The following TRIO variants were observed in gnomAD, a reference collection of about 807,000 sequenced individuals.
TRIO encodes triple functional domain protein.
Under a neutral mutation model 351.9 loss-of-function variants are expected in TRIO, and 58 were observed. The ratio of observed to expected loss-of-function variants is 0.16; its 90% CI spans 0.13 to 0.21. TRIO has a LOEUF of 0.21. Ranked by LOEUF, TRIO falls within the 10% of genes least tolerant of loss-of-function variation. TRIO has a pLI of 1.00. For synonymous variants in TRIO, 1,758 were observed against 1,595.7 expected (o/e 1.10, Z -2.42); for missense variants, 3,201 against 4,027.8 (o/e 0.79, Z 5.56).
chr5:14,410,098 G>A (rs1749069402), intron 33 of TRIO, among the ~76,000 whole-genome samples: 1 of 152,214 alleles, frequency 6.6e-6, no homozygotes. Flanking sequence ...CAGAAAGGAT[G>A]AAATGTCGTG....
chr5:14,306,098 C>T (rs1024088336), intron 8 of TRIO, among the ~76,000 whole-genome samples: 13 of 150,770 alleles, frequency 8.6e-5, no homozygotes, highest in South Asian at 2.1e-4. Context: ...AAATGTGTCC[C>T]TGATACCACG....
intron 9 of TRIO, among the ~76,000 whole-genome samples, chr5:14,327,951 T>C (rs1262377495): frequency 6.6e-6 from 1 of 152,252 alleles, no homozygotes; most frequent in African/African-American, 2.4e-5. Context: ...CAACGCTTTG[T>C]CTGCCTCGAA....
chr5:14,193,100 G>C lies in TRIO; in HGVS notation c.157+49218G>C, dbSNP rs368661610. On this transcript the variant is annotated intron_variant, in intron 1 of 56. Transcript: ENST00000344204. Reference sequence around the variant, plus strand: ...AGAGTTCAGATTTGGAAGATTGTCTGAAAATCTGTGTTGCCATGCAGTTTC... The same window carrying C: ...AGAGTTCAGATTTGGAAGATTGTCTCAAAATCTGTGTTGCCATGCAGTTTC... Among the ~76,000 whole-genome samples the C allele has an allele frequency of 3.3e-5, 5 of 152,330 alleles. No individual in the cohort carries two copies. In the South Asian group the frequency reaches 8.3e-4, roughly 25 times the overall value.
chr5:14,356,777 A>G (rs1186032082), intron 11 of TRIO, among the ~76,000 whole-genome samples: 4 of 152,228 alleles, frequency 2.6e-5, no homozygotes, highest in East Asian at 3.8e-4. Context: ...AGGGACTGCT[A>G]TTCGACAGTG....
chr5:14,170,627 C>T (rs1789041983), intron 1 of TRIO, among the ~76,000 whole-genome samples: 2 of 151,918 alleles, frequency 1.3e-5, no homozygotes, highest in Non-Finnish European at 2.9e-5. Flanking sequence ...CTGCCTCAGC[C>T]TCCCGAGTAG....
At chr5:14,289,267 C>G (rs970306779) in intron 4 of TRIO, among the ~76,000 whole-genome samples, 4 of 152,262 alleles carry the variant, frequency 2.6e-5, no homozygotes, top group African/African-American at 9.6e-5. Context: ...CACCTGTAAT[C>G]CCAGCTACTC....
chr5:14,364,940 G>A, intron 15 of TRIO, 124 bp downstream of exon 15: 5 of 1,243,172 alleles, frequency 4.0e-6, no homozygotes, highest in Non-Finnish European at 4.3e-6. Context: ...CAGCTTTCCT[G>A]ATATGTAAGA....
At chr5:14,403,354 GAGGGTGCAGGTT>G (rs1370921950) in intron 31 of TRIO, among the ~76,000 whole-genome samples, 3 of 101,862 alleles carry the variant, frequency 2.9e-5, no homozygotes, top group South Asian at 3.2e-4. Context: ...TGCAGCTTGT[GAGGGTGCAGGTT>G]GTGGTGAGGG....
At chr5:14,470,463 A>T (rs114195852) in intron 37 of TRIO, among the ~76,000 whole-genome samples, 8 of 152,238 alleles carry the variant, frequency 5.3e-5, no homozygotes, top group Non-Finnish European at 1.0e-4. Flanking sequence ...AAAGAACTAT[A>T]AATCTTATGT....
intron 14 of TRIO, 22 bp downstream of exon 14, chr5:14,363,949 G>A: frequency 6.3e-7 from 1 of 1,590,636 alleles, no homozygotes. Context: ...CACTCCATCT[G>A]TGTCCGTTGT....
intron 1 of TRIO, among the ~76,000 whole-genome samples, chr5:14,176,395 G>C (rs192532661): frequency 6.6e-6 from 1 of 152,120 alleles, no homozygotes. Context: ...GCGTGAACCC[G>C]GGAGGCGGAG....
chr5:14,171,527 A>G (rs1328371958), intron 1 of TRIO, among the ~76,000 whole-genome samples: 2 of 152,248 alleles, frequency 1.3e-5, no homozygotes, highest in Non-Finnish European at 1.5e-5. Context: ...CTAATGAAGG[A>G]TAAAGGTAGA....
intron 1 of TRIO, among the ~76,000 whole-genome samples, chr5:14,263,852 C>T (rs1795494433): frequency 6.6e-6 from 1 of 152,196 alleles, no homozygotes; most frequent in Non-Finnish European, 1.5e-5. Context: ...CAGGGACATG[C>T]ACAGACAGGT....
At chr5:14,314,060 A>G (rs922046067) in intron 8 of TRIO, among the ~76,000 whole-genome samples, 15 of 152,238 alleles carry the variant, frequency 9.9e-5, no homozygotes, top group African/African-American at 3.4e-4. Context: ...TGCAAGGAGT[A>G]AAATGTAGAG....
At chr5:14,443,684 C>G (rs2126367592) in intron 34 of TRIO, among the ~76,000 whole-genome samples, 1 of 152,356 alleles carries the variant, frequency 6.6e-6, no homozygotes, top group East Asian at 1.9e-4. Flanking sequence ...AAATGTGAAC[C>G]AGTCTTGCTT....
intron 9 of TRIO, among the ~76,000 whole-genome samples, chr5:14,318,708 G>A (rs1054227850): frequency 3.3e-5 from 5 of 152,224 alleles, no homozygotes; most frequent in African/African-American, 2.4e-5. Context: ...GACAGACATT[G>A]TGGGAATGAA....
At chr5:14,507,373 A>C in intron 56 of TRIO, 113 bp downstream of exon 56, 2 of 1,479,288 alleles carry the variant, frequency 1.4e-6, no homozygotes, top group Non-Finnish European at 1.8e-6. Context: ...CTAGGGACAA[A>C]AAGGGTGGGT....
chr5:14,459,003 CACAT>C (rs1414853730), intron 34 of TRIO, among the ~76,000 whole-genome samples: 3 of 152,266 alleles, frequency 2.0e-5, no homozygotes, highest in Middle Eastern at 3.4e-3. Context: ...AATATAGACA[CACAT>C]ACAGAGGGGA....
intron 7 of TRIO, among the ~76,000 whole-genome samples, chr5:14,304,033 G>C (rs1473158798): frequency 6.6e-6 from 1 of 152,198 alleles, no homozygotes; most frequent in South Asian, 2.1e-4. Flanking sequence ...GCTGCAAGGA[G>C]AAGGAGCATC....
Sources: allele counts gnomAD v4.1 joint callset (sites outside exome capture counted in the v4.1 genomes callset), GRCh38; gene constraint gnomAD v4.1.1; transcripts MANE v1.5; gene names NCBI Gene and HGNC (gene_info 2026-07-23, HGNC 2026-07-21).